Variants in C10orf143 observed in about 807,000 individuals in gnomAD.
C10orf143 encodes the protein uncharacterized protein C10orf143.
At chr10:130,046,299 C>T (rs1206653923) in intron 3 of C10orf143, among the ~76,000 whole-genome samples, 1 of 151,988 alleles carries the variant, frequency 6.6e-6, no homozygotes, top group South Asian at 2.1e-4. Flanking sequence ...GGCGCACTCT[C>T]GGGCTCCCTG....
chr10:130,057,692 T>C (rs1261301331), intron 3 of C10orf143, among the ~76,000 whole-genome samples: 1 of 152,194 alleles, frequency 6.6e-6, no homozygotes, highest in East Asian at 1.9e-4. Context: ...CTGGCTTTAA[T>C]CCTATGCCAC....
chr10:130,063,355 G>C (rs1590012503), downstream of C10orf143, among the ~76,000 whole-genome samples: 1 of 152,268 alleles, frequency 6.6e-6, no homozygotes, highest in East Asian at 1.9e-4. Flanking sequence ...ACAAACTAAA[G>C]CTCTTCATAA....
intron 1 of C10orf143, among the ~76,000 whole-genome samples, chr10:130,084,989 T>C (rs1465400170): frequency 6.6e-6 from 1 of 152,172 alleles, no homozygotes; most frequent in East Asian, 1.9e-4. Flanking sequence ...CAGCACTGGA[T>C]AATCCACAGA....
At chr10:130,083,344 G>A (rs1279803197) in intron 1 of C10orf143, among the ~76,000 whole-genome samples, 1 of 152,164 alleles carries the variant, frequency 6.6e-6, no homozygotes, top group Non-Finnish European at 1.5e-5. Flanking sequence ...TTCTTGCAGG[G>A]AAATTTGGCA....
At chr10:130,106,400 A>G (rs756946265) in intron 1 of C10orf143, 8 of 1,602,832 alleles carry the variant, frequency 5.0e-6, no homozygotes, top group Non-Finnish European at 6.8e-6. Flanking sequence ...CAGCTTTGAG[A>G]AGGCGGCAGC....
chr10:130,096,503 G>A (rs1252167263), intron 1 of C10orf143, among the ~76,000 whole-genome samples: 8 of 148,096 alleles, frequency 5.4e-5, no homozygotes, highest in African/African-American at 2.0e-4. Flanking sequence ...TATGTTTATT[G>A]CAGCACTATT....
At chr10:130,038,683 C>T (rs1485928617) in intron 3 of C10orf143, among the ~76,000 whole-genome samples, 1 of 152,156 alleles carries the variant, frequency 6.6e-6, no homozygotes, top group Non-Finnish European at 1.5e-5. Flanking sequence ...CCAGGCTGAG[C>T]CATGCCTGGG....
Position 130,110,784 on chromosome 10 carries a change from G to A in C10orf143, c.-12C>T, listed in dbSNP as rs757501025. On this transcript the variant is annotated 5_prime_UTR_variant, in exon 1 of 4. Transcript: ENST00000637128. ...GCTAAGCTGTCCATGCAGCCCCAGG[G>A]TCAAACCCTCCCGGCATCTCAGGCC... 16 of 398,870 alleles carry A rather than the reference G, an allele frequency of 4.0e-5. No homozygotes were observed. The highest frequency in any genetic ancestry group is 7.1e-5 in the Non-Finnish European group (16 of 226,192). The allele number at this position is 398,870 out of a possible 1,614,324, so 24.7% of individuals were successfully genotyped here. A position where few individuals can be genotyped will look rare whatever the true frequency, so the allele number is the denominator to read the frequency against.
rs189705871 is a variant in C10orf143 at position 130,047,404 on chromosome 10, C to T, written c.298-11434G>A. Among the ~76,000 whole-genome samples the T allele has an allele frequency of 1.3e-3, 205 of 152,314 alleles. 3 individuals carry two copies. The highest frequency in any genetic ancestry group is 0.011 in the Admixed American group (161 of 15,304). ...CCCAGCATCAGCACAGGGCTTGGGGCGGGAGGGTCTGTGTAAGGCACTGAG... is the reference window on the plus strand; with the variant it reads ...CCCAGCATCAGCACAGGGCTTGGGGTGGGAGGGTCTGTGTAAGGCACTGAG... On this transcript the variant is annotated intron_variant and NMD_transcript_variant, in intron 3 of 5. Transcript: ENST00000643056.
intron 3 of C10orf143, among the ~76,000 whole-genome samples, chr10:130,055,508 G>A (rs933916529): frequency 6.6e-6 from 1 of 152,216 alleles, no homozygotes; most frequent in African/African-American, 2.4e-5. Context: ...ACAACTTGCA[G>A]TGATTGCCCC....
intron 1 of C10orf143, among the ~76,000 whole-genome samples, chr10:130,084,834 C>T (rs539701882): frequency 9.9e-5 from 15 of 152,150 alleles, no homozygotes; most frequent in African/African-American, 3.6e-4. Context: ...AGGGAAAATA[C>T]AAGATGAGCC....
intron 1 of C10orf143, among the ~76,000 whole-genome samples, chr10:130,096,040 T>C (rs1234349529): frequency 1.3e-5 from 2 of 152,010 alleles, no homozygotes; most frequent in Non-Finnish European, 2.9e-5. Context: ...TTGCAATCTC[T>C]CCATCTGATG....
At chr10:130,072,267 T>C (rs1002881602) in intron 3 of C10orf143, among the ~76,000 whole-genome samples, 6 of 152,232 alleles carry the variant, frequency 3.9e-5, no homozygotes, top group Non-Finnish European at 7.3e-5. Flanking sequence ...TTGCTTGTTA[T>C]TCTACTTCAA....
downstream of C10orf143, among the ~76,000 whole-genome samples, chr10:130,060,445 A>G (rs906337265): frequency 1.3e-5 from 2 of 151,506 alleles, no homozygotes; most frequent in African/African-American, 2.5e-5. Context: ...ATACTGTGTA[A>G]TCACTTAAAA....
chr10:130,073,279 C>G (rs142488418), intron 3 of C10orf143, among the ~76,000 whole-genome samples: 1 of 152,168 alleles, frequency 6.6e-6, no homozygotes, highest in Non-Finnish European at 1.5e-5. Context: ...GTTTTTATGG[C>G]AGGGCTTCTA....
At chr10:130,096,875 C>T (rs985737342) in intron 1 of C10orf143, among the ~76,000 whole-genome samples, 1 of 147,090 alleles carries the variant, frequency 6.8e-6, no homozygotes, top group East Asian at 2.0e-4. Context: ...AACGAAAAGA[C>T]AAGCCACATT....
intron 1 of C10orf143, among the ~76,000 whole-genome samples, chr10:130,100,732 T>C (rs1861535692): frequency 6.6e-6 from 1 of 152,136 alleles, no homozygotes; most frequent in African/African-American, 2.4e-5. Context: ...CGGCTAGACA[T>C]TGCAGAAAAA....
At chr10:130,054,060 G>T (rs1860769917) in intron 3 of C10orf143, among the ~76,000 whole-genome samples, 1 of 152,232 alleles carries the variant, frequency 6.6e-6, no homozygotes, top group African/African-American at 2.4e-5. Flanking sequence ...CCTTTTAGCA[G>T]AGTTTTAAGT....
chr10:130,062,049 G>A (rs1384410316), downstream of C10orf143, among the ~76,000 whole-genome samples: 3 of 152,180 alleles, frequency 2.0e-5, no homozygotes, highest in Non-Finnish European at 4.4e-5. Flanking sequence ...CTGTTCACAC[G>A]AGGCCAGAGT....
Sources: gnomAD v4.1 joint callset for allele counts (sites outside exome capture counted in the v4.1 genomes callset) on GRCh38, gnomAD v4.1.1 for gene constraint, MANE v1.5 for transcripts, NCBI Gene and HGNC (gene_info 2026-07-23, HGNC 2026-07-21) for gene names.